The following CORIN variants were observed in gnomAD, a reference collection of about 807,000 sequenced individuals.
CORIN encodes the protein corin, serine peptidase, also known as atrial natriuretic peptide-converting enzyme.
A neutral mutation model predicts 125.3 loss-of-function variants in CORIN; 117 were observed. The ratio of observed to expected loss-of-function variants is 0.93; its 90% CI spans 0.80 to 1.09. The LOEUF is 1.09. CORIN is among the 50% of genes least tolerant of loss of function. CORIN has a pLI of 0.00. For synonymous variants in CORIN, 450 were observed against 466.4 expected, an observed-to-expected ratio of 0.96 and a Z score of 0.45; for missense variants, 1,253 against 1,306.7, an observed-to-expected ratio of 0.96 and a Z score of 0.63.
At chr4:47,624,679 C>A (rs1418570902) in intron 17 of CORIN, among the ~76,000 whole-genome samples, 2 of 152,124 alleles carry the variant, frequency 1.3e-5, no homozygotes, top group African/African-American at 2.4e-5. Flanking sequence ...AATGCAAGAA[C>A]ATGGTCCCTG....
chr4:47,735,076 T>C (rs190340934), intron 5 of CORIN, among the ~76,000 whole-genome samples: 126 of 152,390 alleles, frequency 8.3e-4, no homozygotes, highest in Non-Finnish European at 1.7e-3. Context: ...GTTGTATTTA[T>C]AAAGTGGCTC....
chr4:47,750,848 G>A (rs1372366757), intron 4 of CORIN, among the ~76,000 whole-genome samples: 1 of 152,178 alleles, frequency 6.6e-6, no homozygotes, highest in African/African-American at 2.4e-5. Flanking sequence ...TAGGATGGAG[G>A]AGAGTGGAAA....
At chr4:47,711,879 G>A (rs1207817294) in intron 5 of CORIN, among the ~76,000 whole-genome samples, 1 of 152,162 alleles carries the variant, frequency 6.6e-6, no homozygotes, top group African/African-American at 2.4e-5. Flanking sequence ...TTCCCACAAA[G>A]GCATTCATTT....
In CORIN at chr4:47,778,201, T is replaced by A. The variant is rs559497652; in HGVS notation, c.409+8524A>T. The stretch of plus-strand genomic sequence containing the variant: ...TGATAATGAAGCTGGAGAGAAAAAA[T>A]TTGAGCCACAAGCCCTTTTGATGTG... On this transcript the variant is annotated intron_variant, in intron 3 of 21. Coordinates refer to ENST00000273857, the MANE Select transcript of CORIN (RefSeq NM_006587.4). 4.8e-4 allele frequency among the ~76,000 whole-genome samples: 73 copies of A among 152,312 alleles called. 2 individuals are homozygous for A. The South Asian group carries it at 0.015, about 30-fold the overall frequency.
chr4:47,607,710 C>T (rs1231264904), intron 19 of CORIN, among the ~76,000 whole-genome samples: 1 of 151,998 alleles, frequency 6.6e-6, no homozygotes, highest in African/African-American at 2.4e-5. Context: ...CAAAGACAGC[C>T]CTGTGTCTGG....
At chr4:47,687,923 T>C in intron 6 of CORIN, among the ~76,000 whole-genome samples, 1 of 152,176 alleles carries the variant, frequency 6.6e-6, no homozygotes, top group East Asian at 1.9e-4. Context: ...GGCAGTATCA[T>C]TTGACATTTT....
chr4:47,700,938 C>CT (rs1553911900), intron 5 of CORIN, among the ~76,000 whole-genome samples: 3 of 152,088 alleles, frequency 2.0e-5, no homozygotes, highest in Non-Finnish European at 2.9e-5. Context: ...TGAAAACACA[C>CT]TTTTTTTTGT....
At chr4:47,770,212 A>T (rs1455467893) in intron 3 of CORIN, among the ~76,000 whole-genome samples, 1 of 152,184 alleles carries the variant, frequency 6.6e-6, no homozygotes, top group Admixed American at 6.5e-5. Flanking sequence ...TAGACATTTC[A>T]CAAAAAAATA....
chr4:47,744,232 T>C (rs1452083068), intron 5 of CORIN, among the ~76,000 whole-genome samples, 170 bp downstream of exon 5: 1 of 150,222 alleles, frequency 6.7e-6, no homozygotes, highest in Non-Finnish European at 1.5e-5. Context: ...TTGAAGGCAT[T>C]TCTGGGGATG....
chr4:47,760,874 G>T (rs1209657091), intron 4 of CORIN, among the ~76,000 whole-genome samples: 1 of 152,098 alleles, frequency 6.6e-6, no homozygotes, highest in East Asian at 1.9e-4. Context: ...CACTTGTTAC[G>T]TCATCTTGCA....
At chr4:47,648,885 C>G (rs372330839) in intron 13 of CORIN, among the ~76,000 whole-genome samples, 16 of 152,180 alleles carry the variant, frequency 1.1e-4, no homozygotes, top group African/African-American at 3.9e-4. Context: ...GGAGCTGTAG[C>G]AGCCAGAGTA....
chr4:47,718,265 T>C (rs374753077), intron 5 of CORIN, among the ~76,000 whole-genome samples: 31 of 152,202 alleles, frequency 2.0e-4, no homozygotes, highest in African/African-American at 6.0e-4. Flanking sequence ...ATGTGAAAGG[T>C]TGGATTAATT....
intron 5 of CORIN, among the ~76,000 whole-genome samples, chr4:47,725,872 A>G (rs1434810757): frequency 1.3e-5 from 2 of 152,076 alleles, no homozygotes; most frequent in Non-Finnish European, 2.9e-5. Context: ...CCCAGAATAT[A>G]TAAAGAACTC....
At chr4:47,674,601 C>A in intron 9 of CORIN, 101 bp from the exon 10 acceptor site, 2 of 754,688 alleles carry the variant, frequency 2.7e-6, no homozygotes, top group Non-Finnish European at 4.7e-6. Flanking sequence ...AGGAATAACA[C>A]AACTTTAATT....
At chr4:47,670,695 C>T (rs1023522222) in intron 10 of CORIN, among the ~76,000 whole-genome samples, 1 of 152,196 alleles carries the variant, frequency 6.6e-6, no homozygotes, top group African/African-American at 2.4e-5. Context: ...GCAGGAGAGA[C>T]ATGCCCAGGA....
chr4:47,663,063 T>C (rs1724322079), intron 11 of CORIN, among the ~76,000 whole-genome samples: 2 of 152,218 alleles, frequency 1.3e-5, no homozygotes, highest in Non-Finnish European at 2.9e-5. Flanking sequence ...AAATTAGTCA[T>C]ATGATACTTA....
chr4:47,757,327 C>T (rs1226497684), intron 4 of CORIN, among the ~76,000 whole-genome samples: 1 of 152,122 alleles, frequency 6.6e-6, no homozygotes, highest in Non-Finnish European at 1.5e-5. Context: ...GGAGTGGTGG[C>T]TCACACCTGT....
At position 47,757,878 on chromosome 4, in the gene CORIN, G is replaced by GTATATATATATA. The variant is rs59621469; in HGVS notation, c.617+5489_617+5500dup. 4.0e-3 allele frequency among the ~76,000 whole-genome samples: 500 copies of GTATATATATATA among 123,852 alleles called. 7 individuals carry two copies. Among genetic ancestry groups the GTATATATATATA allele is most frequent in the African/African-American group, 0.015 (456 of 30,510 alleles). 81.3% of individuals were successfully genotyped at this position (123,852 alleles called of 152,430 possible). A position where few individuals can be genotyped will look rare whatever the true frequency, so the allele number is the denominator to read the frequency against. ...TACACATATATATACATATATATAT[G>GTATATATATATA]TATATATATATATATATATATATAT... is the stretch of plus-strand genomic sequence containing the variant. On this transcript the variant is annotated intron_variant, in intron 4 of 21. Transcript: ENST00000273857.
intron 5 of CORIN, among the ~76,000 whole-genome samples, chr4:47,719,313 C>A (rs977990280): frequency 1.6e-4 from 25 of 152,064 alleles, no homozygotes; most frequent in African/African-American, 5.6e-4. Flanking sequence ...GGGATTTTGC[C>A]TTATTTGTTC....
Sources: gnomAD v4.1 joint callset for allele counts (sites outside exome capture counted in the v4.1 genomes callset) on GRCh38, gnomAD v4.1.1 for gene constraint, MANE v1.5 for transcripts, NCBI Gene and HGNC (gene_info 2026-07-23, HGNC 2026-07-21) for gene names.